The following ADCY3 variants were observed in gnomAD, a reference collection of about 807,000 sequenced individuals.
ADCY3 encodes adenylate cyclase 3.
A neutral mutation model predicts 119.4 loss-of-function variants in ADCY3; 70 were observed. The observed-to-expected ratio is 0.59, with a 90% CI of 0.48 to 0.72. ADCY3 has a LOEUF of 0.72. Among genes scored for constraint, ADCY3 ranks in the 30% least tolerant of loss-of-function variants. ADCY3 has a pLI of 0.00. For synonymous variants in ADCY3, 672 were observed against 621.4 expected (o/e 1.08, Z -1.21); for missense variants, 1,238 against 1,541.6 (o/e 0.80, Z 3.30).
At chr2:24,820,668 C>G in intron 21 of ADCY3, 56 bp downstream of exon 21, 8 of 1,607,340 alleles carry the variant, frequency 5.0e-6, no homozygotes, top group South Asian at 3.3e-5. Flanking sequence ...AAGCACTGTT[C>G]CGGTTTTGTT....
intron 2 of ADCY3, among the ~76,000 whole-genome samples, chr2:24,906,680 G>A (rs937124704): frequency 9.9e-5 from 15 of 152,232 alleles, no homozygotes; most frequent in African/African-American, 3.4e-4. Context: ...GGAAATTACT[G>A]ATTTGGTTTC....
intron 3 of ADCY3, among the ~76,000 whole-genome samples, chr2:24,858,145 C>T (rs372439514): frequency 5.3e-5 from 8 of 151,258 alleles, no homozygotes; most frequent in Admixed American, 1.3e-4. Context: ...ACTACAGGTG[C>T]GCACCACCAC....
Position 24,918,497 on chromosome 2 carries a change from G to T in ADCY3, c.491C>A (p.Ala164Glu), listed in dbSNP as rs752289321. 7 of 1,614,000 alleles carry T rather than the reference G, an allele frequency of 4.3e-6. No individual in the cohort carries two copies. In the South Asian group the frequency reaches 7.7e-5, roughly 18 times the overall value. The change falls in exon 2 of 22, where the codon GCG becomes GAG. Residue 164 changes from alanine (A) to glutamate (E), a missense_variant. Transcript: ENST00000679454. This position sits in a 1 kb window ranked among gnomAD's most constrained non-coding sequence, Gnocchi z 5.4. ...YLGLNFARAHAASDTVGWQVF... is the reference protein window; with the variant it reads ...YLGLNFARAHEASDTVGWQVF... ...CTGCCAGCCCACCGTGTCACTAGCC[G>T]CGTGGGCACGCGCGAAGTTCAGGCC...
chr2:24,911,102 C>T (rs886403509), intron 2 of ADCY3, among the ~76,000 whole-genome samples: 1 of 151,972 alleles, frequency 6.6e-6, no homozygotes, highest in Non-Finnish European at 1.5e-5. Context: ...AAGATGCCCC[C>T]AAAAACACCT....
intron 3 of ADCY3, among the ~76,000 whole-genome samples, chr2:24,847,706 A>G (rs1671809573): frequency 6.6e-6 from 1 of 152,228 alleles, no homozygotes; most frequent in African/African-American, 2.4e-5. Flanking sequence ...CTAACCAGAC[A>G]TTGTGGAAAA....
intron 19 of ADCY3, chr2:24,822,268 C>A: frequency 2.3e-6 from 1 of 433,788 alleles, no homozygotes; most frequent in Non-Finnish European, 4.1e-6. Context: ...GGGGCCTGGC[C>A]ACAGAACACA....
chr2:24,864,821 C>T (rs752124788), intron 3 of ADCY3, among the ~76,000 whole-genome samples: 2 of 152,136 alleles, frequency 1.3e-5, no homozygotes, highest in Non-Finnish European at 2.9e-5. Flanking sequence ...CTTAATGCCA[C>T]TGAATTGTAT....
chr2:24,899,135 A>C lies in ADCY3; in HGVS notation c.675+19178T>G, dbSNP rs950555980. Among the ~76,000 whole-genome samples, 13 of 152,004 alleles carry C rather than the reference A, an allele frequency of 8.6e-5. No homozygotes were observed. Among genetic ancestry groups the C allele is most frequent in the African/African-American group, 3.1e-4 (13 of 41,390 alleles). On this transcript the variant is annotated intron_variant, in intron 2 of 21. Transcript: ENST00000679454. This position sits in a 1 kb window ranked among gnomAD's most constrained non-coding sequence, Gnocchi z 4.5. ...TGCTCCCTAGGCAGAGCCACTAGGC[A>C]GTTGCCAACTGCCTAGGCAACTCCC...
chr2:24,918,310 C>A lies in ADCY3; in HGVS notation c.675+3G>T. 6.4e-7 allele frequency: 1 copy of A among 1,554,038 alleles called. No individual in the cohort carries two copies. Among genetic ancestry groups the A allele is most frequent in the Non-Finnish European group, 8.7e-7 (1 of 1,149,584 alleles). The stretch of plus-strand genomic sequence containing the variant: ...CTGTGGGGGGACAGTGGGCAGGACT[C>A]ACCTCCCGCAGCAGCTGCATCCCCT... On this transcript the variant is annotated splice_donor_region_variant and intron_variant, in intron 2 of 21. Coordinates refer to ENST00000679454, the MANE Select transcript of ADCY3 (RefSeq NM_004036.5). The surrounding 1 kb of genome is among the most constrained non-coding windows in gnomAD (Gnocchi z 5.4).
chr2:24,879,757 C>T (rs978028523), intron 2 of ADCY3, among the ~76,000 whole-genome samples: 1 of 152,184 alleles, frequency 6.6e-6, no homozygotes, highest in Non-Finnish European at 1.5e-5. Context: ...GACCCCCTTA[C>T]CCCGGGGCCA....
At chr2:24,900,810 A>T (rs982886518) in intron 2 of ADCY3, among the ~76,000 whole-genome samples, 5 of 152,218 alleles carry the variant, frequency 3.3e-5, no homozygotes, top group Admixed American at 3.3e-4. Flanking sequence ...CATGCCTGTA[A>T]TCCCAGCAGT....
intron 3 of ADCY3, among the ~76,000 whole-genome samples, chr2:24,863,215 G>C (rs1231630324): frequency 1.3e-5 from 2 of 152,112 alleles, no homozygotes; most frequent in Non-Finnish European, 2.9e-5. Flanking sequence ...CATTTGAGTC[G>C]GTGGGCTGGG....
intron 15 of ADCY3, among the ~76,000 whole-genome samples, chr2:24,826,976 G>A (rs1212366365): frequency 6.6e-6 from 1 of 152,102 alleles, no homozygotes; most frequent in Non-Finnish European, 1.5e-5. Context: ...GGGTGTAACT[G>A]GCATTTCCTT....
intron 3 of ADCY3, among the ~76,000 whole-genome samples, chr2:24,870,321 CA>C (rs34685288): frequency 0.091 from 7,919 of 87,170 alleles, 185 homozygotes; most frequent in East Asian, 0.15. Context: ...GACTCCATGT[CA>C]AAAAAAAAAA....
intron 21 of ADCY3, 197 bp from the exon 22 acceptor site, chr2:24,820,311 G>C (rs182429048): frequency 3.1e-6 from 4 of 1,300,860 alleles, no homozygotes; most frequent in Non-Finnish European, 2.0e-6. Context: ...GGAGTGACTG[G>C]CTGGGGGCCT....
chr2:24,891,614 G>A (rs938537355), intron 2 of ADCY3, among the ~76,000 whole-genome samples: 1 of 152,204 alleles, frequency 6.6e-6, no homozygotes, highest in Non-Finnish European at 1.5e-5. Context: ...AAGATCATAC[G>A]TTGAGGTGGC....
intron 2 of ADCY3, among the ~76,000 whole-genome samples, chr2:24,882,181 A>G (rs1676479008): frequency 1.3e-5 from 2 of 152,184 alleles, no homozygotes; most frequent in South Asian, 2.1e-4. Context: ...AGCCTGATCA[A>G]TGCACCCACC....
chr2:24,852,095 G>A (rs949547263), intron 3 of ADCY3, among the ~76,000 whole-genome samples: 15 of 152,162 alleles, frequency 9.9e-5, no homozygotes, highest in South Asian at 6.2e-4. Context: ...CTGACAGTGC[G>A]GCTCTGGCTC....
intron 6 of ADCY3, 119 bp from the exon 7 acceptor site, chr2:24,840,150 G>T: frequency 7.3e-7 from 1 of 1,369,110 alleles, no homozygotes; most frequent in Non-Finnish European, 9.9e-7. Context: ...AGGGGGCCTG[G>T]CAAGGTCCCC....
Sources: gnomAD v4.1 joint callset for allele counts (sites outside exome capture counted in the v4.1 genomes callset) on GRCh38, gnomAD v4.1.1 for gene constraint, Gnocchi (gnomAD v3.1) non-coding constraint, MANE v1.5 for transcripts, NCBI Gene and HGNC (gene_info 2026-07-23, HGNC 2026-07-21) for gene names.